The following MAP3K1 variants were observed in gnomAD, a reference collection of about 807,000 sequenced individuals.
The protein encoded by MAP3K1 is MAP/ERK kinase kinase 1.
A neutral mutation model predicts 144.2 loss-of-function variants in MAP3K1; 36 were observed. The observed-to-expected ratio is 0.25, with a 90% CI of 0.19 to 0.33. The LOEUF is 0.33. MAP3K1 is among the 10% of genes least tolerant of loss of function. The pLI is 1.00. For synonymous variants in MAP3K1, 718 were observed against 688.7 expected, an observed-to-expected ratio of 1.04 and a Z score of -0.67; for missense variants, 1,650 against 1,881.9, an observed-to-expected ratio of 0.88 and a Z score of 2.28.
At chr5:56,839,023 C>A (rs547857992) in intron 1 of MAP3K1, among the ~76,000 whole-genome samples, 28 of 152,234 alleles carry the variant, frequency 1.8e-4, no homozygotes, top group African/African-American at 6.3e-4. Flanking sequence ...CTTCGTTTTC[C>A]TAGGGAATAA....
intron 1 of MAP3K1, among the ~76,000 whole-genome samples, chr5:56,845,431 A>G (rs1393440791): frequency 6.6e-6 from 1 of 152,142 alleles, no homozygotes; most frequent in East Asian, 1.9e-4. Context: ...ATTCTGTACC[A>G]GTGCCCCCAG....
intron 1 of MAP3K1, among the ~76,000 whole-genome samples, chr5:56,852,342 A>G (rs1230824971): frequency 1.3e-5 from 2 of 152,214 alleles, no homozygotes; most frequent in African/African-American, 4.8e-5. Flanking sequence ...AGGACTGACT[A>G]CAGTTTCCCT....
intron 1 of MAP3K1, among the ~76,000 whole-genome samples, chr5:56,824,007 T>C (rs780884333): frequency 6.6e-6 from 1 of 152,238 alleles, no homozygotes; most frequent in Non-Finnish European, 1.5e-5. Context: ...TCATCTAAAC[T>C]TAAGATATCA....
In MAP3K1 at chr5:56,881,215, A is replaced by T. The variant is rs746760945; in HGVS notation, c.2312A>T (p.Glu771Val). 2 of 1,613,820 alleles carry T rather than the reference A, an allele frequency of 1.2e-6. No homozygotes were observed. The highest frequency in any genetic ancestry group is 1.7e-6 in the Non-Finnish European group (2 of 1,179,934). ...IDRLLLEFPAEFYPHIVSTDV... is the reference protein window; with the variant it reads ...IDRLLLEFPAVFYPHIVSTDV... ...AGACTGTTGTTGGAATTTCCTGCTG[A>T]ATTTTATCCTCATATTGTCAGTACT... Residue 771 changes from glutamate to valine, a missense_variant, in exon 13 of 20, where the codon GAA becomes GTA. This residue lies in a region of MAP3K1 where 841 missense variants were observed against 886.5 expected (regional missense o/e 0.95). Transcript: ENST00000399503.
At chr5:56,883,012 G>C (rs1748273642) in intron 14 of MAP3K1, 146 bp downstream of exon 14, 2 of 673,570 alleles carry the variant, frequency 3.0e-6, no homozygotes, top group African/African-American at 1.8e-5. Context: ...AACAAAGCAA[G>C]ACCCTGTCTC....
intron 1 of MAP3K1, among the ~76,000 whole-genome samples, chr5:56,819,714 C>G (rs193255501): frequency 2.4e-4 from 36 of 152,334 alleles, no homozygotes; most frequent in African/African-American, 4.1e-4. Flanking sequence ...TCTCTAGAGG[C>G]TGCTTAGGAA....
In MAP3K1 at chr5:56,894,015, G is replaced by T; in HGVS notation, c.*335G>T. 1 of 404,486 alleles carries T rather than the reference G, an allele frequency of 2.5e-6. No individual in the cohort carries two copies. The allele number at this position is 404,486 out of a possible 1,614,324, so 25.1% of individuals were successfully genotyped here. A position where few individuals can be genotyped will look rare whatever the true frequency, so the allele number is the denominator to read the frequency against. ...TTTTCAGCAATATTAGCGGCTGAGG[G>T]GCTCAGGATCTATTTTAATATTTCA... On this transcript the variant is annotated 3_prime_UTR_variant, in exon 20 of 20. Transcript: ENST00000399503.
chr5:56,837,295 C>A (rs1253960026), intron 1 of MAP3K1, among the ~76,000 whole-genome samples: 3 of 152,064 alleles, frequency 2.0e-5, no homozygotes, highest in Non-Finnish European at 4.4e-5. Flanking sequence ...CAGCCATTAA[C>A]AAAATTATAG....
chr5:56,829,476 C>T (rs1746423627), intron 1 of MAP3K1, among the ~76,000 whole-genome samples: 1 of 151,970 alleles, frequency 6.6e-6, no homozygotes, highest in Non-Finnish European at 1.5e-5. Flanking sequence ...GTGTGAGCCA[C>T]CATGCCGAGC....
At chr5:56,886,767 T>C (rs1215801654) in intron 17 of MAP3K1, among the ~76,000 whole-genome samples, 7 of 152,118 alleles carry the variant, frequency 4.6e-5, no homozygotes, top group African/African-American at 1.2e-4. Flanking sequence ...ATTTTCCTTA[T>C]CCTTTTCTTT....
rs1327781638 is a variant in MAP3K1 at position 56,894,901 on chromosome 5, A to G, written c.*1221A>G. The G allele has an allele frequency of 1.7e-5, 4 of 232,002 alleles. No individual in the cohort carries two copies. The highest frequency in any genetic ancestry group is 6.6e-5 in the African/African-American group (3 of 45,294). 14.4% of individuals were successfully genotyped at this position (232,002 alleles called of 1,614,324 possible). On this transcript the variant is annotated 3_prime_UTR_variant, in exon 20 of 20. Coordinates refer to ENST00000399503, the MANE Select transcript of MAP3K1 (RefSeq NM_005921.2). The stretch of plus-strand genomic sequence containing the variant: ...TATACACTAATTCCTTGGATTTTGC[A>G]CAGTTACCTAACGGTTTTAGTCTGG...
chr5:56,836,055 CAGAG>C (rs1346893754), intron 1 of MAP3K1, among the ~76,000 whole-genome samples: 1 of 152,158 alleles, frequency 6.6e-6, no homozygotes, highest in Non-Finnish European at 1.5e-5. Context: ...TCCCTGCTCT[CAGAG>C]AGATAATATT....
chr5:56,881,057 A>G (rs376125118), intron 12 of MAP3K1, 26 bp from the exon 13 acceptor site: 2 of 1,563,986 alleles, frequency 1.3e-6, no homozygotes, highest in African/African-American at 1.4e-5. Flanking sequence ...TTTTTTAATC[A>G]TTTATTTTTA....
intron 3 of MAP3K1, among the ~76,000 whole-genome samples, chr5:56,860,717 G>C (rs1490794023): frequency 1.3e-5 from 2 of 152,076 alleles, no homozygotes; most frequent in Admixed American, 6.5e-5. Flanking sequence ...GCCAGGCATG[G>C]TGGCAGATGC....
intron 1 of MAP3K1, among the ~76,000 whole-genome samples, chr5:56,825,990 A>G (rs1259633643): frequency 6.6e-6 from 1 of 151,696 alleles, no homozygotes; most frequent in Admixed American, 6.6e-5. Flanking sequence ...AAAGAAAACA[A>G]TTTTTATTTA....
chr5:56,884,190 A>G (rs536964474), intron 15 of MAP3K1, among the ~76,000 whole-genome samples: 5 of 152,190 alleles, frequency 3.3e-5, no homozygotes, highest in Non-Finnish European at 7.3e-5. Context: ...TTGTAAGACT[A>G]CAATATCAAG....
At position 56,815,911 on chromosome 5, in the gene MAP3K1, C is replaced by T. The variant is rs1441667748; in HGVS notation, c.338C>T (p.Pro113Leu). The change falls in exon 1 of 20, where the codon CCC (proline) becomes CTC (leucine). Residue 113 changes from proline to leucine, a missense_variant. Pro to Leu is a moderately conservative substitution (Grantham distance 98). Around this residue, in one of 6 missense-constraint regions of MAP3K1, gnomAD observed 360 missense variants for 274.7 expected, o/e 1.31. Coordinates refer to ENST00000399503, the MANE Select transcript of MAP3K1 (RefSeq NM_005921.2). ...TGFQPVAVPP[P>L]HGAASRGGAH... ...TTCCAGCCTGTGGCGGTGCCGCCGC[C>T]CCACGGAGCCGCGAGCCGCGGCGGC... is the stretch of plus-strand genomic sequence containing the variant. 10 of 1,290,416 alleles carry T rather than the reference C, an allele frequency of 7.7e-6. No homozygotes were observed. Among genetic ancestry groups the T allele is most frequent in the South Asian group, 4.5e-5 (2 of 44,090 alleles). The allele number at this position is 1,290,416 out of a possible 1,614,324, so 79.9% of individuals were successfully genotyped here. A position where few individuals can be genotyped will look rare whatever the true frequency, so the allele number is the denominator to read the frequency against.
At chr5:56,867,328 G>C (rs1036895597) in intron 6 of MAP3K1, among the ~76,000 whole-genome samples, 1 of 152,044 alleles carries the variant, frequency 6.6e-6, no homozygotes, top group African/African-American at 2.4e-5. Flanking sequence ...ATAGATTTTT[G>C]TTTCGTATAA....
At position 56,882,269 on chromosome 5, in the gene MAP3K1, C is replaced by G. The variant is rs1748244206; in HGVS notation, c.3069C>G (p.Arg1023=). Residue 1023 remains arginine (R), a synonymous_variant, in exon 14 of 20, where the codon CGC becomes CGG. Transcript: ENST00000399503. Reference sequence around the variant, plus strand: ...CTTCTGCATCTCCTCAAACACAGCGCAAGTTTTCTCTACAATTCCACAGAA... The same window carrying G: ...CTTCTGCATCTCCTCAAACACAGCGGAAGTTTTCTCTACAATTCCACAGAA... ...RIPSASPQTQ[R]KFSLQFHRNC... 1.9e-6 allele frequency: 3 copies of G among 1,614,002 alleles called. No homozygotes were observed. The highest frequency in any genetic ancestry group is 1.7e-5 in the Admixed American group (1 of 59,984).
Sources: gnomAD v4.1 joint callset for allele counts (sites outside exome capture counted in the v4.1 genomes callset) on GRCh38, gnomAD v4.1.1 for gene constraint, gnomAD v4.1.1 regional missense constraint, MANE v1.5 for transcripts, NCBI Gene and HGNC (gene_info 2026-07-23, HGNC 2026-07-21) for gene names.